The following TTLL6 variants were observed in gnomAD, a reference collection of about 807,000 sequenced individuals.
The protein encoded by TTLL6 is tubulin polyglutamylase TTLL6.
Under a neutral mutation model 96.4 loss-of-function variants are expected in TTLL6, and 75 were observed. The ratio of observed to expected loss-of-function variants is 0.78; its 90% CI spans 0.65 to 0.94. The LOEUF (loss-of-function observed/expected upper bound fraction) is 0.94. TTLL6 is among the 40% of genes least tolerant of loss of function. The probability of loss-of-function intolerance (pLI) is 0.00; values close to 1 mark genes in which losing one functional copy is unlikely to be tolerated. For synonymous variants in TTLL6, 411 were observed against 419.4 expected (o/e 0.98, Z 0.24); for missense variants, 1,030 against 1,093.0 (o/e 0.94, Z 0.81).
intron 13 of TTLL6, among the ~76,000 whole-genome samples, chr17:48,777,048 A>ACC (rs1555563995): frequency 7.5e-4 from 112 of 148,540 alleles, no homozygotes; most frequent in African/African-American, 6.9e-4. Context: ...ACACACACAC[A>ACC]CCCCTAAAAA....
At position 48,793,073 on chromosome 17, in the gene TTLL6, T is replaced by C. The variant is rs531390349; in HGVS notation, c.999-1470A>G. Among the ~76,000 whole-genome samples the C allele has an allele frequency of 1.7e-4, 26 of 152,222 alleles. No homozygotes were observed. In the South Asian group the frequency reaches 5.4e-3, roughly 32 times the overall value. The stretch of plus-strand genomic sequence containing the variant: ...GTGTCTGCCCCAGAATCCTGCCAGG[T>C]TTTCAGGTTTCCTGTCTTCTCCTTC... On this transcript the variant is annotated intron_variant, in intron 8 of 15. Transcript: ENST00000393382.
chr17:48,796,386 C>T (rs2039317058), intron 7 of TTLL6, among the ~76,000 whole-genome samples: 1 of 152,182 alleles, frequency 6.6e-6, no homozygotes, highest in Admixed American at 6.5e-5. Context: ...CTCTGGGAGG[C>T]TGAGGCAGGC....
intron 13 of TTLL6, 44 bp downstream of exon 13, chr17:48,784,879 C>T (rs1321343328): frequency 6.4e-7 from 1 of 1,556,540 alleles, no homozygotes; most frequent in South Asian, 1.1e-5. Flanking sequence ...GACCAGTAAG[C>T]AAGACTCCCA....
At chr17:48,772,240 G>T (rs9913867) in intron 13 of TTLL6, among the ~76,000 whole-genome samples, 48,015 of 151,948 alleles carry the variant, frequency 0.32, 7,945 homozygotes, top group Admixed American at 0.41. Context: ...ATCCCAGCAC[G>T]TTGGGAAGCC....
intron 13 of TTLL6, among the ~76,000 whole-genome samples, chr17:48,775,842 C>A (rs568121494): frequency 6.6e-6 from 1 of 151,986 alleles, no homozygotes; most frequent in Admixed American, 6.6e-5. Flanking sequence ...CACCTAGCCT[C>A]ATCCATCCAT....
rs183107954 is a variant in TTLL6 at position 48,776,083 on chromosome 17, T to C, written c.2041-5986A>G. 1.6e-4 allele frequency among the ~76,000 whole-genome samples: 24 copies of C among 152,144 alleles called. No individual in the cohort carries two copies. In the East Asian group the frequency reaches 3.5e-3, roughly 22 times the overall value. On this transcript the variant is annotated intron_variant, in intron 13 of 15. Coordinates refer to ENST00000393382, the MANE Select transcript of TTLL6 (RefSeq NM_001130918.3). ...GCAAGAAAAATAAAGAGACTAATGA[T>C]TGGAAAGAAATAAAACTGTCTTTAT...
At chr17:48,811,778 A>C (rs543263922) in intron 1 of TTLL6, among the ~76,000 whole-genome samples, 1 of 149,446 alleles carries the variant, frequency 6.7e-6, no homozygotes, top group African/African-American at 2.5e-5. Context: ...GCTCACTGCA[A>C]CCTCCACCTC....
chr17:48,794,405 G>A, intron 8 of TTLL6: 1 of 1,423,876 alleles, frequency 7.0e-7, no homozygotes, highest in South Asian at 1.4e-5. Flanking sequence ...CCTGTGAGGT[G>A]GCAGGGCAGG....
At chr17:48,770,416 G>A (rs2038716421) in intron 13 of TTLL6, among the ~76,000 whole-genome samples, 1 of 152,076 alleles carries the variant, frequency 6.6e-6, no homozygotes, top group African/African-American at 2.4e-5. Flanking sequence ...GACAGTAGGA[G>A]ACTCTACAGC....
At chr17:48,784,774 A>G in intron 13 of TTLL6, 149 bp downstream of exon 13, 2 of 636,756 alleles carry the variant, frequency 3.1e-6, no homozygotes, top group East Asian at 2.7e-5. Context: ...CAGCTATGCC[A>G]TTCCACAGTG....
chr17:48,802,068 GAAAGAAAGAA>G (rs2039427664), intron 3 of TTLL6, among the ~76,000 whole-genome samples: 3 of 111,064 alleles, frequency 2.7e-5, no homozygotes, highest in South Asian at 5.8e-4. Flanking sequence ...GAAAAGAAAA[GAAAGAAAGAA>G]AAAGAAAGAA....
Position 48,787,883 on chromosome 17 carries a change from T to G in TTLL6, c.1517A>C (p.Glu506Ala), listed in dbSNP as rs2039136346. Residue 506 changes from glutamate (E) to alanine (A), a missense_variant, in exon 11 of 16, where the codon GAG (glutamate) becomes GCG (alanine). Glu to Ala is a moderately radical substitution (Grantham distance 107). Coordinates refer to ENST00000393382, the MANE Select transcript of TTLL6 (RefSeq NM_001130918.3). ...IYPSLNSEKY[E>A]KFFQDNNSLF... ...GGAGTTGTTGTCCTGGAAAAACTTC[T>G]CATACTTCTCCGAATTCAGACTGGG... The G allele has an allele frequency of 6.2e-7, 1 of 1,614,060 alleles. No individual in the cohort carries two copies. The highest frequency in any genetic ancestry group is 1.3e-5 in the African/African-American group (1 of 74,912).
At chr17:48,787,755 G>A in intron 11 of TTLL6, 56 bp downstream of exon 11, 1 of 1,534,746 alleles carries the variant, frequency 6.5e-7, no homozygotes, top group South Asian at 1.2e-5. Context: ...TCAGCCAATA[G>A]ATCACACACA....
At position 48,784,790 on chromosome 17, in the gene TTLL6, T is replaced by C. The variant is rs372420381; in HGVS notation, c.2040+133A>G. On this transcript the variant is annotated intron_variant, in intron 13 of 15. Coordinates refer to ENST00000393382, the MANE Select transcript of TTLL6 (RefSeq NM_001130918.3). ...AGCTATGCCATTCCACAGTGTGGGC[T>C]TCTCAAGGGGAGACACCAAGGCCCA... The C allele has an allele frequency of 1.7e-3, 1,147 of 675,358 alleles. 20 individuals carry two copies. In the South Asian group the frequency reaches 0.021, roughly 12 times the overall value. The allele number at this position is 675,358 out of a possible 1,614,324, so 41.8% of individuals were successfully genotyped here. A position where few individuals can be genotyped will look rare whatever the true frequency, so the allele number is the denominator to read the frequency against.
rs764464815 is a variant in TTLL6, at chr17:48,804,992, C to T, written c.104-1G>A. 7.7e-6 allele frequency: 12 copies of T among 1,550,650 alleles called. No individual in the cohort carries two copies. The highest frequency in any genetic ancestry group is 2.4e-5 in the South Asian group (2 of 84,042). On this transcript the variant is annotated splice_acceptor_variant, in intron 1 of 15. Coordinates refer to ENST00000393382, the MANE Select transcript of TTLL6 (RefSeq NM_001130918.3). LOFTEE classifies it high-confidence loss of function. ...GAGGCTCTGGGGAAATACCAGGCCC[C>T]TAGAGAGAGGGCAGAGGGAGCCGCA... is the stretch of plus-strand genomic sequence containing the variant.
At chr17:48,771,611 G>A (rs1028565558) in intron 13 of TTLL6, among the ~76,000 whole-genome samples, 7 of 151,754 alleles carry the variant, frequency 4.6e-5, no homozygotes, top group Admixed American at 1.3e-4. Context: ...CAGCTTAGGC[G>A]ACAGAGCAAG....
At chr17:48,768,854 T>C in intron 15 of TTLL6, 135 bp downstream of exon 15, 1 of 1,012,016 alleles carries the variant, frequency 9.9e-7, no homozygotes, top group Admixed American at 2.2e-5. Context: ...GGTCACATTT[T>C]TACTAAGTCT....
intron 15 of TTLL6, among the ~76,000 whole-genome samples, chr17:48,764,086 T>C (rs1484373062): frequency 6.7e-6 from 1 of 149,730 alleles, no homozygotes; most frequent in African/African-American, 2.5e-5. Flanking sequence ...CAGTGAGCCA[T>C]GATAGTGCCA....
At chr17:48,783,907 T>C (rs374948050) in intron 13 of TTLL6, among the ~76,000 whole-genome samples, 82 of 152,322 alleles carry the variant, frequency 5.4e-4, no homozygotes, top group African/African-American at 1.5e-3. Flanking sequence ...AAGGTGTCCA[T>C]ACATCAACAG....
Sources: gnomAD v4.1 joint callset for allele counts (sites outside exome capture counted in the v4.1 genomes callset) on GRCh38, gnomAD v4.1.1 for gene constraint, MANE v1.5 for transcripts, NCBI Gene and HGNC (gene_info 2026-07-23, HGNC 2026-07-21) for gene names.